NCAPG: variants seen among roughly 807,000 people sequenced by gnomAD.
The protein encoded by NCAPG is condensin complex subunit 3.
A neutral mutation model predicts 113.1 loss-of-function variants in NCAPG; 69 were observed. The observed-to-expected ratio is 0.61, with a 90% CI of 0.50 to 0.75. The LOEUF is 0.75. NCAPG is among the 30% of genes least tolerant of loss of function. NCAPG has a pLI of 0.00. For synonymous variants in NCAPG, 370 were observed against 415.8 expected (o/e 0.89, Z 1.34); for missense variants, 1,058 against 1,177.0 (o/e 0.90, Z 1.48).
intron 11 of NCAPG, among the ~76,000 whole-genome samples, chr4:17,827,576 A>G (rs1560227726): frequency 6.6e-6 from 1 of 152,148 alleles, no homozygotes; most frequent in Non-Finnish European, 1.5e-5. Flanking sequence ...GATGGTGATG[A>G]CAGTATGAAG....
At position 17,840,136 on chromosome 4, in the gene NCAPG, TAAAG is replaced by T. The variant is rs1267018889; in HGVS notation, c.2697_2700del (p.Lys899AsnfsTer14). The T allele has an allele frequency of 3.7e-6, 6 of 1,612,026 alleles. No individual in the cohort carries two copies. Among genetic ancestry groups the T allele is most frequent in the Non-Finnish European group, 5.1e-6 (6 of 1,179,132 alleles). ...TCAAGATTCAGTTAGAAAAAGGAAA[TAAAG>T]AATTTGGTGACCAAGCTGAAGCAGC... On this transcript the variant is annotated frameshift_variant, in exon 18 of 21. Transcript: ENST00000251496. LOFTEE classifies it high-confidence loss of function.
intron 2 of NCAPG, among the ~76,000 whole-genome samples, 174 bp downstream of exon 2, chr4:17,812,598 T>C (rs1275202825): frequency 6.6e-6 from 1 of 152,204 alleles, no homozygotes; most frequent in African/African-American, 2.4e-5. Context: ...AAAGTGGACT[T>C]TAACTCCAGC....
intron 15 of NCAPG, 35 bp from the exon 16 acceptor site, chr4:17,837,591 GT>G (rs775317516): frequency 3.2e-5 from 50 of 1,578,946 alleles, no homozygotes; most frequent in Non-Finnish European, 4.0e-5. Flanking sequence ...ATCAAATAAT[GT>G]TCTGCCAACA....
rs776694732 is a variant in NCAPG at position 17,843,402 on chromosome 4, T to G, written c.3025T>G (p.Phe1009Val). 1 of 1,611,554 alleles carries G rather than the reference T, an allele frequency of 6.2e-7. No homozygotes were observed. Among genetic ancestry groups the G allele is most frequent in the Non-Finnish European group, 8.5e-7 (1 of 1,177,966 alleles). ...LEKSKLNLAQ[F>V]LNEDLS The stretch of plus-strand genomic sequence containing the variant: ...AAAAAGTAAACTTAACCTTGCCCAA[T>G]TTCTCAATGAAGATCTAAGTTAGGA... Residue 1009 changes from phenylalanine (F) to valine (V), a missense_variant, in exon 21 of 21, where the codon TTT (phenylalanine) becomes GTT (valine). Physicochemically the swap from Phe to Val is conservative, Grantham distance 50. Coordinates refer to ENST00000251496, the MANE Select transcript of NCAPG (RefSeq NM_022346.5).
In NCAPG at chr4:17,812,214, C is replaced by G. The variant is rs1199052916; in HGVS notation, c.112-7C>G. ...GCAGTTTATGAAGGGTTTCTTTTGT[C>G]TTTCAGATGGATGATAAGACAGTTT... On this transcript the variant is annotated splice_region_variant and splice_polypyrimidine_tract_variant and intron_variant, in intron 1 of 20. Transcript: ENST00000251496. The G allele has an allele frequency of 6.2e-7, 1 of 1,610,042 alleles. No homozygotes were observed. The highest frequency in any genetic ancestry group is 1.3e-5 in the African/African-American group (1 of 74,840).
intron 12 of NCAPG, 61 bp from the exon 13 acceptor site, chr4:17,830,936 A>T: frequency 6.5e-7 from 1 of 1,537,178 alleles, no homozygotes; most frequent in Non-Finnish European, 8.9e-7. Context: ...TTGAGGTAAT[A>T]GACAATAGGG....
chr4:17,842,143 T>C, intron 19 of NCAPG, 167 bp from the exon 20 acceptor site: 1 of 560,470 alleles, frequency 1.8e-6, no homozygotes, highest in Non-Finnish European at 3.3e-6. Flanking sequence ...GGGTTCCTTT[T>C]TCTGTGGCAG....
At chr4:17,825,113 A>T in intron 10 of NCAPG, 56 bp downstream of exon 10, 1 of 1,292,368 alleles carries the variant, frequency 7.7e-7, no homozygotes. Context: ...GGGCAAGTCT[A>T]TTCTTTCCTC....
At chr4:17,839,618 AC>A (rs1282799638) in intron 16 of NCAPG, 57 bp from the exon 17 acceptor site, 1 of 1,187,974 alleles carries the variant, frequency 8.4e-7, no homozygotes, top group East Asian at 2.8e-5. Context: ...GATGTGTAAG[AC>A]TATATAATAA....
rs1237562011 is a variant in NCAPG at position 17,831,079 on chromosome 4, A to G, written c.1847A>G (p.Gln616Arg). The change falls in exon 13 of 21, where the codon CAG becomes CGG. Residue 616 changes from glutamine to arginine, a missense_variant. Physicochemically the swap from Gln to Arg is conservative, Grantham distance 43. Coordinates refer to ENST00000251496, the MANE Select transcript of NCAPG (RefSeq NM_022346.5). ...TTGGGATGCTGTGGACTACAGAATC[A>G]GGATTTTGCAAGGAAACACTTCGTA... ...LCLGCCGLQN[Q>R]DFARKHFVLL... The G allele has an allele frequency of 6.2e-7, 1 of 1,613,864 alleles. No individual in the cohort carries two copies. The highest frequency in any genetic ancestry group is 1.7e-5 in the Admixed American group (1 of 59,990).
intron 16 of NCAPG, 145 bp downstream of exon 16, chr4:17,837,946 C>T: frequency 1.2e-6 from 1 of 830,698 alleles, no homozygotes; most frequent in Non-Finnish European, 1.9e-6. Context: ...GAAACATGAC[C>T]TTGGGAAATG....
Position 17,812,252 on chromosome 4 carries a change from TC to T in NCAPG, c.144del (p.Phe48LeufsTer21). 2 of 1,613,454 alleles carry T rather than the reference TC, an allele frequency of 1.2e-6. No homozygotes were observed. The highest frequency in any genetic ancestry group is 1.7e-6 in the Non-Finnish European group (2 of 1,179,730). ...MDDKTVFHEE[F>X]IHYLKYVMVV... ...GATAAGACAGTTTTTCATGAGGAGT[TC>T]ATTCATTACCTTAAATATGTTATGG... On this transcript the variant is annotated frameshift_variant, in exon 2 of 21. Transcript: ENST00000251496. LOFTEE classifies it high-confidence loss of function.
In NCAPG at chr4:17,818,064, T is replaced by A. The variant is rs763192430; in HGVS notation, c.1094T>A (p.Val365Glu). 4 of 1,610,314 alleles carry A rather than the reference T, an allele frequency of 2.5e-6. No homozygotes were observed. In the Admixed American group the frequency reaches 5.1e-5, roughly 20 times the overall value. ...TTAGAGCAGATTTTGCCAGAGCCTG[T>A]AGTATATGCAGACTATTTATTGAGG... ...EFLEQILPEP[V>E]VYADYLLSYI... Residue 365 changes from valine to glutamate, a missense_variant, in exon 7 of 21, where the codon GTA becomes GAA. Coordinates refer to ENST00000251496, the MANE Select transcript of NCAPG (RefSeq NM_022346.5).
At chr4:17,841,929 CCTTT>C (rs1722451426) in intron 19 of NCAPG, 1 of 161,812 alleles carries the variant, frequency 6.2e-6, no homozygotes, top group Admixed American at 6.2e-5. Context: ...ACCTAACCTA[CCTTT>C]CTAACCCTTA....
chr4:17,819,419 T>C (rs1182676117), intron 7 of NCAPG, among the ~76,000 whole-genome samples: 1 of 152,142 alleles, frequency 6.6e-6, no homozygotes, highest in Non-Finnish European at 1.5e-5. Context: ...TTTTTTTTTT[T>C]TGAGACGGAG....
chr4:17,811,048 C>T lies in NCAPG; in HGVS notation c.-30C>T. 1 of 1,387,228 alleles carries T rather than the reference C, an allele frequency of 7.2e-7. No individual in the cohort carries two copies. Among genetic ancestry groups the T allele is most frequent in the Non-Finnish European group, 9.6e-7 (1 of 1,040,040 alleles). The allele number at this position is 1,387,228 out of a possible 1,614,324, so 85.9% of individuals were successfully genotyped here. ...CTGGCAGGCTGTAGCCGAGCGCGGG[C>T]AGGACTCGTCCCGGCAGGGTTCCAG... On this transcript the variant is annotated 5_prime_UTR_variant, in exon 1 of 21. Coordinates refer to ENST00000251496, the MANE Select transcript of NCAPG (RefSeq NM_022346.5). The surrounding 1 kb of genome is among the most constrained non-coding windows in gnomAD (Gnocchi z 5.3).
chr4:17,824,034 A>G (rs1184842412), intron 9 of NCAPG, among the ~76,000 whole-genome samples: 1 of 152,120 alleles, frequency 6.6e-6, no homozygotes, highest in Admixed American at 6.5e-5. Context: ...AAGTGGGGAT[A>G]TGGTTTTGTC....
chr4:17,815,336 A>G lies in NCAPG; in HGVS notation c.753A>G (p.Gln251=), dbSNP rs996333450. 1.9e-6 allele frequency: 3 copies of G among 1,585,566 alleles called. No homozygotes were observed. Among genetic ancestry groups the G allele is most frequent in the African/African-American group, 2.8e-5 (2 of 72,726 alleles). The change falls in exon 5 of 21, where the codon CAA becomes CAG. Residue 251 remains glutamine, a synonymous_variant. Transcript: ENST00000251496. Reference sequence around the variant, plus strand: ...TTGCTCAGAGAGTAATGCTCCTTCAACAAGGTCTTAATGACAGATCAGGTA... The same window carrying G: ...TTGCTCAGAGAGTAATGCTCCTTCAGCAAGGTCTTAATGACAGATCAGGTA... ...MSIAQRVMLL[Q]QGLNDRSDAV...
chr4:17,842,423 T>C, intron 20 of NCAPG, 44 bp downstream of exon 20: 1 of 1,501,692 alleles, frequency 6.7e-7, no homozygotes, highest in Non-Finnish European at 9.2e-7. Context: ...TATCTTCACT[T>C]TTTATTTCTA....
Sources: allele counts gnomAD v4.1 joint callset (sites outside exome capture counted in the v4.1 genomes callset), GRCh38; gene constraint gnomAD v4.1.1; non-coding constraint Gnocchi (gnomAD v3.1); transcripts MANE v1.5; gene names NCBI Gene and HGNC (gene_info 2026-07-23, HGNC 2026-07-21).